FGL1: variants seen among roughly 807,000 people sequenced by gnomAD.
The protein encoded by FGL1 is fibrinogen like 1.
FGL1 carries 59 observed loss-of-function variants against 43.7 expected under a neutral mutation model. That is an observed-to-expected ratio of 1.35 (90% CI 1.10 to 1.68). The LOEUF (loss-of-function observed/expected upper bound fraction) is 1.68, where lower values mean the gene tolerates loss of function less well. Ranked by LOEUF, FGL1 falls within the 40% of genes most tolerant of loss-of-function variation. The pLI, the probability that FGL1 is intolerant of heterozygous loss-of-function variation, is 0.00. For missense variants in FGL1, 596 were observed against 373.0 expected, an observed-to-expected ratio of 1.60 and a Z score of -4.92; for synonymous variants, 192 against 126.5, an observed-to-expected ratio of 1.52 and a Z score of -3.48.
At position 17,864,766 on chromosome 8, in the gene FGL1, A is replaced by G. The variant is rs779109547; in HGVS notation, c.780-15T>C. 1 of 1,408,946 alleles carries G rather than the reference A, an allele frequency of 7.1e-7. No homozygotes were observed. Among genetic ancestry groups the G allele is most frequent in the African/African-American group, 1.5e-5 (1 of 68,458 alleles). The allele number at this position is 1,408,946 out of a possible 1,614,324, so 87.3% of individuals were successfully genotyped here. A position where few individuals can be genotyped will look rare whatever the true frequency, so the allele number is the denominator to read the frequency against. On this transcript the variant is annotated splice_polypyrimidine_tract_variant and intron_variant, in intron 7 of 7. Transcript: ENST00000427924. ...CAGAGTGACACCTAGTGGAAGGGAG[A>G]AAAAAAAAGAAAACAACAATCAGAC... is the stretch of plus-strand genomic sequence containing the variant.
Position 17,882,038 on chromosome 8 carries a change from T to A in FGL1, c.205A>T (p.Asn69Tyr). 6.2e-7 allele frequency: 1 copy of A among 1,613,960 alleles called. No homozygotes were observed. The highest frequency in any genetic ancestry group is 1.3e-5 in the African/African-American group (1 of 74,996). Reference protein sequence around the residue: ...EVQFLDKGDENTVIDLGSKRQ... With the variant: ...EVQFLDKGDEYTVIDLGSKRQ... ...TTGCTTCCAAGATCAATGACAGTAT[T>A]CTCATCTCCTTTATCAAGGAACTGG... The change falls in exon 3 of 8, where the codon AAT becomes TAT. Residue 69 changes from asparagine (N) to tyrosine (Y), a missense_variant. By Grantham distance (143) the Asn-to-Tyr change is moderately radical. Coordinates refer to ENST00000427924, the MANE Select transcript of FGL1 (RefSeq NM_004467.4).
rs951998699 is a variant in FGL1, at chr8:17,874,037, G to A, written c.484C>T (p.His162Tyr). 3.4e-5 allele frequency: 54 copies of A among 1,609,562 alleles called. No individual in the cohort carries two copies. The highest frequency in any genetic ancestry group is 4.2e-5 in the Non-Finnish European group (50 of 1,178,656). Residue 162 changes from histidine to tyrosine, a missense_variant, in exon 5 of 8, where the codon CAC becomes TAC. By Grantham distance (83) the His-to-Tyr change is moderately conservative. Coordinates refer to ENST00000427924, the MANE Select transcript of FGL1 (RefSeq NM_004467.4). ...ACCTTACCTTGAGTGGTCAAGAAGT[G>A]AAGATTTTTATTGCCCAGCCAATAT... ...GEYWLGNKNL[H>Y]FLTTQEDYTL... is the part of the protein sequence containing the mutation.
Position 17,868,638 on chromosome 8 carries a change from T to C in FGL1, c.689A>G (p.Gln230Arg). 2 of 1,614,150 alleles carry C rather than the reference T, an allele frequency of 1.2e-6. No individual in the cohort carries two copies. Among genetic ancestry groups the C allele is most frequent in the Non-Finnish European group, 1.7e-6 (2 of 1,180,000 alleles). ...HPEVQWWASH[Q>R]RMKFSTWDRD... Reference sequence around the variant, plus strand: ...GTCCCACGTGCTGAATTTCATTCTTTGGTGACTAGCCCACCACTGCACCTC... The same window carrying C: ...GTCCCACGTGCTGAATTTCATTCTTCGGTGACTAGCCCACCACTGCACCTC... The change falls in exon 7 of 8, where the codon CAA (glutamine) becomes CGA (arginine). Residue 230 changes from glutamine (Q) to arginine (R), a missense_variant. Gln to Arg is a conservative substitution (Grantham distance 43). Transcript: ENST00000427924.
chr8:17,872,121 T>C (rs866582428), intron 5 of FGL1, among the ~76,000 whole-genome samples: 1 of 152,076 alleles, frequency 6.6e-6, no homozygotes. Context: ...AGAGCACTGA[T>C]CATAAGAAGG....
chr8:17,874,243 T>A lies in FGL1; in HGVS notation c.404+119A>T. On this transcript the variant is annotated intron_variant, in intron 4 of 7. Coordinates refer to ENST00000427924, the MANE Select transcript of FGL1 (RefSeq NM_004467.4). Reference sequence around the variant, plus strand: ...ATTAGTTAATTCATTTTCAGTATTCTTCTTTAGAGAGATTGAAATTCTGTC... The same window carrying A: ...ATTAGTTAATTCATTTTCAGTATTCATCTTTAGAGAGATTGAAATTCTGTC... The A allele has an allele frequency of 6.6e-6, 9 of 1,370,044 alleles. No individual in the cohort carries two copies. The South Asian group carries it at 1.1e-4, about 17-fold the overall frequency. 84.9% of individuals were successfully genotyped at this position (1,370,044 alleles called of 1,614,324 possible).
chr8:17,875,493 T>TCC (rs1563452155), intron 3 of FGL1, among the ~76,000 whole-genome samples: 1 of 7,442 alleles, frequency 1.3e-4, no homozygotes, highest in African/African-American at 4.0e-4. Context: ...CTTTCTTTCT[T>TCC]TCTTTCTTTC....
At chr8:17,894,933 A>G (rs1180365486) in intron 1 of FGL1, among the ~76,000 whole-genome samples, 1 of 147,906 alleles carries the variant, frequency 6.8e-6, no homozygotes, top group Non-Finnish European at 1.5e-5. Flanking sequence ...TATAAGGTAT[A>G]TAAATATTGC....
At chr8:17,874,586 C>A in intron 3 of FGL1, 65 bp from the exon 4 acceptor site, 1 of 1,335,512 alleles carries the variant, frequency 7.5e-7, no homozygotes, top group Admixed American at 2.0e-5. Flanking sequence ...CCTTAGGGAG[C>A]CTCTGAATGA....
At chr8:17,892,788 T>C (rs2053723600) in intron 1 of FGL1, among the ~76,000 whole-genome samples, 1 of 152,272 alleles carries the variant, frequency 6.6e-6, no homozygotes, top group Non-Finnish European at 1.5e-5. Flanking sequence ...GAAATGTCTG[T>C]ATCTTCTAGA....
intron 3 of FGL1, 72 bp downstream of exon 3, chr8:17,881,927 T>C (rs2053542037): frequency 1.6e-6 from 2 of 1,249,050 alleles, no homozygotes; most frequent in Non-Finnish European, 1.1e-6. Context: ...AAGCCTGAAA[T>C]AACTAGCACC....
At chr8:17,882,255 A>T in intron 2 of FGL1, 76 bp from the exon 3 acceptor site, 1 of 1,333,464 alleles carries the variant, frequency 7.5e-7, no homozygotes. Context: ...CATTTGGATA[A>T]ATCAGTGATT....
At chr8:17,873,811 C>A (rs1487795000) in intron 5 of FGL1, among the ~76,000 whole-genome samples, 3 of 150,704 alleles carry the variant, frequency 2.0e-5, no homozygotes, top group Non-Finnish European at 4.4e-5. Context: ...GAAAACAATT[C>A]CCCGCAACCC....
intron 2 of FGL1, chr8:17,882,671 A>G (rs2053554568): frequency 7.8e-6 from 1 of 128,430 alleles, no homozygotes; most frequent in Non-Finnish European, 1.6e-5. Flanking sequence ...GCTGTCTGGT[A>G]TAAATACTTT....
chr8:17,880,898 C>T (rs143992407), intron 3 of FGL1, among the ~76,000 whole-genome samples: 116 of 152,178 alleles, frequency 7.6e-4, no homozygotes, highest in African/African-American at 2.5e-3. Context: ...GGGAGAAATA[C>T]CTCATTGAAA....
At chr8:17,877,619 A>T (rs1160278783) in intron 3 of FGL1, among the ~76,000 whole-genome samples, 1 of 152,190 alleles carries the variant, frequency 6.6e-6, no homozygotes, top group Non-Finnish European at 1.5e-5. Flanking sequence ...TAAGGAAAAA[A>T]AAAAAAGGAT....
At chr8:17,867,407 G>C (rs1481188965) in intron 7 of FGL1, among the ~76,000 whole-genome samples, 1 of 152,050 alleles carries the variant, frequency 6.6e-6, no homozygotes, top group Non-Finnish European at 1.5e-5. Context: ...AAAATCTTTT[G>C]GGTGTAGGAA....
chr8:17,866,366 A>G (rs1345237352), intron 7 of FGL1, among the ~76,000 whole-genome samples: 1 of 152,048 alleles, frequency 6.6e-6, no homozygotes, highest in African/African-American at 2.4e-5. Flanking sequence ...AACATTTTAT[A>G]GGTGGGTAAT....
At chr8:17,883,842 G>C (rs2053587906) in intron 2 of FGL1, among the ~76,000 whole-genome samples, 1 of 141,122 alleles carries the variant, frequency 7.1e-6, no homozygotes, top group African/African-American at 2.7e-5. Context: ...TCCTTTCTCA[G>C]AACCTCTCCC....
chr8:17,895,254 C>G (rs1423625000), intron 1 of FGL1, 193 bp downstream of exon 1: 1 of 976,802 alleles, frequency 1.0e-6, no homozygotes, highest in Non-Finnish European at 1.3e-6. Flanking sequence ...ATTTGTATAT[C>G]TGTATATCTG....
Sources: allele counts gnomAD v4.1 joint callset (sites outside exome capture counted in the v4.1 genomes callset), GRCh38; gene constraint gnomAD v4.1.1; transcripts MANE v1.5; gene names NCBI Gene and HGNC (gene_info 2026-07-23, HGNC 2026-07-21).